FHOD3: variants seen among roughly 807,000 people sequenced by gnomAD.
The protein encoded by FHOD3 is FH1/FH2 domain-containing protein 3.
Under a neutral mutation model 173.0 loss-of-function variants are expected in FHOD3, and 90 were observed. The observed-to-expected ratio is 0.52, with a 90% CI of 0.44 to 0.62. FHOD3 has a LOEUF of 0.62. FHOD3 is among the 20% of genes least tolerant of loss of function. The pLI is 0.00. For missense variants in FHOD3, 1,945 were observed against 2,034.7 expected, an observed-to-expected ratio of 0.96 and a Z score of 0.85; for synonymous variants, 828 against 823.0, an observed-to-expected ratio of 1.01 and a Z score of -0.10.
rs56780791 is a variant in FHOD3 at position 36,508,646 on chromosome 18, CAAAA to C, written c.406-3779_406-3776del. On this transcript the variant is annotated intron_variant, in intron 4 of 28. Transcript: ENST00000590592. ...ACACTACAAAATAACAATGGATTGA[CAAAA>C]AAAAAAAAAAAACAGGTGAAAGATG... is the stretch of plus-strand genomic sequence containing the variant. 4.5e-3 allele frequency among the ~76,000 whole-genome samples: 491 copies of C among 109,092 alleles called. 1 individual carries two copies. Among genetic ancestry groups the C allele is most frequent in the African/African-American group, 0.014 (464 of 33,834 alleles). The allele number at this position is 109,092 out of a possible 152,430, so 71.6% of individuals were successfully genotyped here.
At chr18:36,688,865 G>A (rs563761051) in intron 16 of FHOD3, among the ~76,000 whole-genome samples, 5 of 152,168 alleles carry the variant, frequency 3.3e-5, no homozygotes, top group Admixed American at 6.5e-5. Context: ...GCTCTTTTTT[G>A]TCCAAACAAG....
chr18:36,533,009 G>A (rs2056849719), intron 5 of FHOD3, among the ~76,000 whole-genome samples: 1 of 152,172 alleles, frequency 6.6e-6, no homozygotes, highest in African/African-American at 2.4e-5. Flanking sequence ...ACAGTGGGAG[G>A]GGCTTTGTAA....
chr18:36,553,031 G>T (rs180939147), intron 5 of FHOD3, among the ~76,000 whole-genome samples: 2 of 152,222 alleles, frequency 1.3e-5, no homozygotes, highest in African/African-American at 4.8e-5. Flanking sequence ...AGCATGAAGG[G>T]TTGTTGAATT....
chr18:36,634,520 G>T (rs2034738541), intron 10 of FHOD3, among the ~76,000 whole-genome samples: 1 of 152,094 alleles, frequency 6.6e-6, no homozygotes, highest in East Asian at 1.9e-4. Flanking sequence ...GAAGCAGTTG[G>T]CAATGAGCAA....
At chr18:36,659,712 G>A (rs1438394970) in intron 14 of FHOD3, among the ~76,000 whole-genome samples, 2 of 152,150 alleles carry the variant, frequency 1.3e-5, no homozygotes, top group African/African-American at 4.8e-5. Context: ...CACTTTGGAG[G>A]TCTGTGAAGT....
intron 10 of FHOD3, among the ~76,000 whole-genome samples, chr18:36,642,076 G>A (rs1423963547): frequency 1.3e-5 from 2 of 152,076 alleles, no homozygotes; most frequent in Non-Finnish European, 2.9e-5. Context: ...TTATACGTGG[G>A]AGCTAAATGA....
chr18:36,693,009 TTA>T, intron 16 of FHOD3, 198 bp from the exon 17 acceptor site: 1 of 605,138 alleles, frequency 1.7e-6, no homozygotes, highest in Non-Finnish European at 3.0e-6. Context: ...ATTTGCTTGG[TTA>T]TGAGTGACGT....
At chr18:36,640,039 T>C (rs1003709743) in intron 10 of FHOD3, among the ~76,000 whole-genome samples, 1 of 152,210 alleles carries the variant, frequency 6.6e-6, no homozygotes, top group African/African-American at 2.4e-5. Context: ...GACCCTTTAA[T>C]ATTTATTTGA....
intron 3 of FHOD3, among the ~76,000 whole-genome samples, chr18:36,455,556 A>G (rs943903211): frequency 1.4e-5 from 2 of 143,016 alleles, no homozygotes; most frequent in African/African-American, 5.5e-5. Context: ...GATGTCGGCA[A>G]TGTTCATTAA....
chr18:36,759,135 A>G lies in FHOD3; in HGVS notation c.4443A>G (p.Glu1481=). The change falls in exon 26 of 29, where the codon GAA becomes GAG. Residue 1481 remains glutamate (E), a synonymous_variant. Transcript: ENST00000590592. The part of the protein sequence containing the change: ...KMITDTDEEE[E]VESGKFSGSS... ...TCGGGTAGACTGATGAGGAGGAGGAAGTTGAGGTATGACCATTTATGAACA... is the reference window on the plus strand; with the variant it reads ...TCGGGTAGACTGATGAGGAGGAGGAGGTTGAGGTATGACCATTTATGAACA... The G allele has an allele frequency of 6.5e-7, 1 of 1,535,928 alleles. No homozygotes were observed. The highest frequency in any genetic ancestry group is 8.7e-7 in the Non-Finnish European group (1 of 1,146,738).
intron 19 of FHOD3, among the ~76,000 whole-genome samples, chr18:36,722,991 G>T (rs1471159307): frequency 2.0e-5 from 3 of 151,876 alleles, no homozygotes. Flanking sequence ...CACAGCTCTG[G>T]GACTTCAGCA....
At chr18:36,400,815 A>G (rs1174167758) in intron 3 of FHOD3, among the ~76,000 whole-genome samples, 2 of 152,186 alleles carry the variant, frequency 1.3e-5, no homozygotes, top group African/African-American at 4.8e-5. Flanking sequence ...TTTTCTCTCC[A>G]TGGACAGAGG....
chr18:36,345,960 C>T (rs879101760), intron 1 of FHOD3, among the ~76,000 whole-genome samples: 2 of 152,190 alleles, frequency 1.3e-5, no homozygotes, highest in Admixed American at 6.5e-5. Context: ...AGTTATCTTT[C>T]GGCATGCCAA....
chr18:36,461,251 C>A (rs1404630552), intron 3 of FHOD3, among the ~76,000 whole-genome samples: 1 of 152,174 alleles, frequency 6.6e-6, no homozygotes, highest in African/African-American at 2.4e-5. Context: ...AACACAGCAC[C>A]TTCTTTCCAT....
At chr18:36,767,853 A>C (rs1327075125) in intron 27 of FHOD3, among the ~76,000 whole-genome samples, 1 of 152,206 alleles carries the variant, frequency 6.6e-6, no homozygotes, top group Non-Finnish European at 1.5e-5. Context: ...TGAAAATCAC[A>C]GTCCATTGAA....
intron 6 of FHOD3, among the ~76,000 whole-genome samples, chr18:36,592,194 G>A (rs2059241426): frequency 6.6e-6 from 1 of 152,136 alleles, no homozygotes; most frequent in South Asian, 2.1e-4. Flanking sequence ...CCTCCAGCCT[G>A]GGCAACAGAA....
chr18:36,644,941 A>G (rs2035577046), intron 10 of FHOD3, among the ~76,000 whole-genome samples: 1 of 152,144 alleles, frequency 6.6e-6, no homozygotes, highest in Non-Finnish European at 1.5e-5. Flanking sequence ...TGTTTTAAAG[A>G]GGAGAGGCCC....
At chr18:36,456,096 T>C (rs1358106423) in intron 3 of FHOD3, among the ~76,000 whole-genome samples, 1 of 152,134 alleles carries the variant, frequency 6.6e-6, no homozygotes, top group East Asian at 1.9e-4. Flanking sequence ...CCTGTGAAGT[T>C]AATGGGGCTT....
At chr18:36,645,063 T>C (rs1260954883) in intron 10 of FHOD3, among the ~76,000 whole-genome samples, 1 of 152,118 alleles carries the variant, frequency 6.6e-6, no homozygotes, top group Non-Finnish European at 1.5e-5. Flanking sequence ...AGGTATAGTT[T>C]GGCAGCTGTG....
Sources: allele counts gnomAD v4.1 joint callset (sites outside exome capture counted in the v4.1 genomes callset), GRCh38; gene constraint gnomAD v4.1.1; transcripts MANE v1.5; gene names NCBI Gene and HGNC (gene_info 2026-07-23, HGNC 2026-07-21).